ATF2: variants seen among roughly 807,000 people sequenced by gnomAD.
ATF2 encodes cyclic AMP-dependent transcription factor ATF-2.
ATF2 carries 24 observed loss-of-function variants against 60.6 expected under a neutral mutation model. The observed-to-expected ratio is 0.40, with a 90% CI of 0.29 to 0.56. ATF2 has a LOEUF of 0.56. ATF2 is among the 20% of genes least tolerant of loss of function. ATF2 has a pLI of 0.54. For synonymous variants in ATF2, 206 were observed against 215.4 expected (o/e 0.96, Z 0.38); for missense variants, 433 against 607.7 (o/e 0.71, Z 3.02).
intron 13 of ATF2, among the ~76,000 whole-genome samples, chr2:175,078,381 G>T (rs1484787332): frequency 1.3e-5 from 2 of 152,118 alleles, no homozygotes; most frequent in African/African-American, 2.4e-5. Context: ...ATTATGCCCA[G>T]ATCTAAAGAA....
chr2:175,109,328 CTG>C (rs1468202434), intron 10 of ATF2, among the ~76,000 whole-genome samples: 2 of 152,088 alleles, frequency 1.3e-5, no homozygotes, highest in Non-Finnish European at 2.9e-5. Context: ...AAGAAGCAAA[CTG>C]TGATCACTCA....
rs767222965 is a variant in ATF2, at chr2:175,097,487, G to A, written c.935C>T (p.Pro312Leu). 8.1e-6 allele frequency: 13 copies of A among 1,613,958 alleles called. No individual in the cohort carries two copies. The South Asian group carries it at 1.1e-4, about 14-fold the overall frequency. ...LVRTQSEESR[P>L]QSLQQPATST... ...TGTGGCTGGCTGTTGTAATGACTGCGGTCGAGATTCCTCTGACTGAGTCCT... is the reference window on the plus strand; with the variant it reads ...TGTGGCTGGCTGTTGTAATGACTGCAGTCGAGATTCCTCTGACTGAGTCCT... Residue 312 changes from proline to leucine, a missense_variant, in exon 11 of 14, where the codon CCG (proline) becomes CTG (leucine). This residue lies in a region of ATF2 where 246 missense variants were observed against 309.3 expected (regional missense o/e 0.80). Transcript: ENST00000264110.
At chr2:175,126,415 C>T (rs537218257) in intron 4 of ATF2, among the ~76,000 whole-genome samples, 275 of 151,910 alleles carry the variant, frequency 1.8e-3, no homozygotes, top group African/African-American at 6.4e-3. Flanking sequence ...TTACAAACCT[C>T]GACAATGGAA....
At chr2:175,161,385 T>C (rs1700018095) in intron 1 of ATF2, among the ~76,000 whole-genome samples, 1 of 152,230 alleles carries the variant, frequency 6.6e-6, no homozygotes, top group East Asian at 1.9e-4. Flanking sequence ...ACAAACTGAG[T>C]ACTCATTAAG....
intron 12 of ATF2, among the ~76,000 whole-genome samples, chr2:175,085,553 TACACACACACACACACACACACACAC>T (rs56804408): frequency 5.0e-5 from 7 of 141,328 alleles, no homozygotes; most frequent in African/African-American, 1.9e-4. Flanking sequence ...ATACATAACA[TACACACACACACACACACACACACAC>T]ACACACACAC....
At chr2:175,111,152 G>GA (rs537550103) in intron 10 of ATF2, among the ~76,000 whole-genome samples, 43 of 151,986 alleles carry the variant, frequency 2.8e-4, no homozygotes, top group African/African-American at 9.2e-4. Flanking sequence ...CAGCACAACA[G>GA]AAAAAAATGG....
chr2:175,081,714 A>G (rs1425979347), intron 12 of ATF2, among the ~76,000 whole-genome samples: 1 of 152,218 alleles, frequency 6.6e-6, no homozygotes, highest in Non-Finnish European at 1.5e-5. Flanking sequence ...AAGCTGAGGC[A>G]TGACATTTTC....
intron 1 of ATF2, among the ~76,000 whole-genome samples, chr2:175,161,763 C>CTT (rs10710666): frequency 3.0e-5 from 4 of 134,592 alleles, no homozygotes; most frequent in Non-Finnish European, 4.9e-5. Flanking sequence ...GAAAGTAACT[C>CTT]TTTTTTTTTT....
intron 1 of ATF2, among the ~76,000 whole-genome samples, chr2:175,163,633 T>C (rs1700157142): frequency 6.8e-6 from 1 of 146,024 alleles, no homozygotes; most frequent in African/African-American, 2.5e-5. Flanking sequence ...GGAAAAAAAA[T>C]CAATAAACAT....
chr2:175,079,462 A>G (rs1428805712), intron 13 of ATF2, among the ~76,000 whole-genome samples: 1 of 152,132 alleles, frequency 6.6e-6, no homozygotes, highest in Non-Finnish European at 1.5e-5. Context: ...CATTGTTAAT[A>G]TAAATCCCAA....
chr2:175,167,601 C>G, intron 1 of ATF2: 1 of 478,022 alleles, frequency 2.1e-6, no homozygotes, highest in African/African-American at 2.0e-5. Context: ...GTGGGGAGAC[C>G]AGAGTGGGCC....
chr2:175,103,994 T>G (rs1695475330), intron 10 of ATF2, among the ~76,000 whole-genome samples: 1 of 152,002 alleles, frequency 6.6e-6, no homozygotes, highest in Non-Finnish European at 1.5e-5. Context: ...TGCTTACTTT[T>G]CCAAAGGCTT....
At chr2:175,076,878 T>C (rs1279272162) in intron 13 of ATF2, among the ~76,000 whole-genome samples, 1 of 152,078 alleles carries the variant, frequency 6.6e-6, no homozygotes, top group Non-Finnish European at 1.5e-5. Flanking sequence ...ACATATGCCA[T>C]GTTGGTGTGC....
chr2:175,160,506 A>G (rs1015179434), intron 1 of ATF2, among the ~76,000 whole-genome samples: 1 of 152,226 alleles, frequency 6.6e-6, no homozygotes, highest in African/African-American at 2.4e-5. Flanking sequence ...TTACTACAAA[A>G]AATATCCCTC....
rs1265179722 is a variant in ATF2 at position 175,149,528 on chromosome 2, G to C, written c.-44+1532C>G. Among the ~76,000 whole-genome samples the C allele has an allele frequency of 2.0e-5, 3 of 152,070 alleles. No homozygotes were observed. The East Asian group carries it at 5.8e-4, about 29-fold the overall frequency. On this transcript the variant is annotated intron_variant, in intron 2 of 13. Transcript: ENST00000264110. Reference sequence around the variant, plus strand: ...ATGCATAAGAAAACTGGCAAAAAATGACAAAAATAAGAGGTAAATCTAAAC... The same window carrying C: ...ATGCATAAGAAAACTGGCAAAAAATCACAAAAATAAGAGGTAAATCTAAAC...
intron 5 of ATF2, among the ~76,000 whole-genome samples, chr2:175,120,959 G>C (rs967663757): frequency 2.0e-5 from 3 of 151,640 alleles, no homozygotes; most frequent in Admixed American, 6.6e-5. Flanking sequence ...ACTGAATTTA[G>C]AGCCTCCTTA....
chr2:175,129,707 G>A (rs867901689), intron 4 of ATF2, among the ~76,000 whole-genome samples: 5 of 151,792 alleles, frequency 3.3e-5, no homozygotes, highest in Admixed American at 6.6e-5. Flanking sequence ...AAAGACGTTA[G>A]GCTTAACAAC....
At chr2:175,117,926 A>C in intron 7 of ATF2, 64 bp downstream of exon 7, 1 of 1,477,808 alleles carries the variant, frequency 6.8e-7, no homozygotes, top group Non-Finnish European at 9.0e-7. Flanking sequence ...TATGGAGATT[A>C]AATAGTAAAC....
chr2:175,123,387 A>G (rs1448086108), intron 4 of ATF2, among the ~76,000 whole-genome samples: 1 of 152,074 alleles, frequency 6.6e-6, no homozygotes, highest in African/African-American at 2.4e-5. Context: ...TGGCTTTTCC[A>G]CTGAAGGCAA....
Sources: gnomAD v4.1 joint callset for allele counts (sites outside exome capture counted in the v4.1 genomes callset) on GRCh38, gnomAD v4.1.1 for gene constraint, gnomAD v4.1.1 regional missense constraint, MANE v1.5 for transcripts, NCBI Gene and HGNC (gene_info 2026-07-23, HGNC 2026-07-21) for gene names.